Variants in CLSTN2 observed in about 807,000 individuals in gnomAD.
CLSTN2 encodes the protein calsyntenin 2.
In CLSTN2, 48 loss-of-function variants were observed where a neutral mutation model predicts 101.2. That is an observed-to-expected ratio of 0.47 (90% CI 0.38 to 0.60). The LOEUF (loss-of-function observed/expected upper bound fraction) is 0.60, where lower values mean the gene tolerates loss of function less well. CLSTN2 is among the 20% of genes least tolerant of loss of function. The probability of loss-of-function intolerance (pLI) is 0.00; values close to 1 mark genes in which losing one functional copy is unlikely to be tolerated. For missense variants in CLSTN2, 1,160 were observed against 1,238.2 expected (o/e 0.94, Z 0.95); for synonymous variants, 481 against 463.6 (o/e 1.04, Z -0.48).
At chr3:140,409,015 C>A (rs1331557586) in intron 4 of CLSTN2, among the ~76,000 whole-genome samples, 1 of 152,264 alleles carries the variant, frequency 6.6e-6, no homozygotes, top group Non-Finnish European at 1.5e-5. Context: ...CTCGCCCCTG[C>A]AGCTGCATGC....
intron 2 of CLSTN2, among the ~76,000 whole-genome samples, chr3:140,193,061 T>G (rs2010593081): frequency 6.6e-6 from 1 of 151,942 alleles, no homozygotes; most frequent in Non-Finnish European, 1.5e-5. Context: ...TTCCATTGCT[T>G]CTTCCTTCTC....
At chr3:140,305,785 G>T (rs2087108827) in intron 2 of CLSTN2, among the ~76,000 whole-genome samples, 1 of 152,010 alleles carries the variant, frequency 6.6e-6, no homozygotes, top group Non-Finnish European at 1.5e-5. Context: ...GTGAGGCACG[G>T]GATTGTATGT....
intron 2 of CLSTN2, among the ~76,000 whole-genome samples, chr3:140,237,370 C>A (rs138645739): frequency 1.1e-4 from 17 of 152,306 alleles, no homozygotes; most frequent in African/African-American, 4.1e-4. Context: ...AGGGATTATT[C>A]TGCCAGCTCC....
At chr3:140,543,172 C>T (rs552510210) in intron 9 of CLSTN2, among the ~76,000 whole-genome samples, 12 of 152,220 alleles carry the variant, frequency 7.9e-5, no homozygotes, top group South Asian at 2.1e-4. Context: ...TGCTGCTCCA[C>T]GGAGGAGGAG....
intron 1 of CLSTN2, among the ~76,000 whole-genome samples, chr3:140,150,320 G>T (rs1043506931): frequency 3.9e-4 from 59 of 152,214 alleles, no homozygotes; most frequent in African/African-American, 1.4e-3. Flanking sequence ...TTAGGGCTTT[G>T]GTCAGTGCAA....
chr3:140,523,234 C>T (rs1935071299), intron 8 of CLSTN2, among the ~76,000 whole-genome samples: 1 of 152,138 alleles, frequency 6.6e-6, no homozygotes, highest in Non-Finnish European at 1.5e-5. Context: ...AGTGTTTATT[C>T]TGGGACCCGA....
intron 1 of CLSTN2, among the ~76,000 whole-genome samples, chr3:139,994,077 C>A (rs1936160743): frequency 6.6e-6 from 1 of 152,164 alleles, no homozygotes; most frequent in East Asian, 1.9e-4. Context: ...ACCTCTCTCT[C>A]TCCCCAGGGA....
At chr3:140,317,365 C>G (rs1184783769) in intron 2 of CLSTN2, among the ~76,000 whole-genome samples, 2 of 152,046 alleles carry the variant, frequency 1.3e-5, no homozygotes, top group East Asian at 1.9e-4. Flanking sequence ...CTGCAAAGAC[C>G]AAAGAAGTAG....
At chr3:140,537,327 A>T (rs968538248) in intron 9 of CLSTN2, among the ~76,000 whole-genome samples, 8 of 152,212 alleles carry the variant, frequency 5.3e-5, no homozygotes, top group African/African-American at 1.7e-4. Flanking sequence ...CTATTAGCCA[A>T]TTTGAAAGCC....
intron 8 of CLSTN2, among the ~76,000 whole-genome samples, chr3:140,502,676 G>T (rs1934604258): frequency 6.6e-6 from 1 of 152,194 alleles, no homozygotes; most frequent in Non-Finnish European, 1.5e-5. Flanking sequence ...GTGGAGTGTG[G>T]AGCTGGCCTT....
In CLSTN2 at chr3:140,419,079, A is replaced by G. The variant is rs1231982597; in HGVS notation, c.638-2046A>G. On this transcript the variant is annotated intron_variant, in intron 4 of 16. Coordinates refer to ENST00000458420, the MANE Select transcript of CLSTN2 (RefSeq NM_022131.3). ...CATTATTTGACTTTTCTAATTTTCC[A>G]AGCTTTCTTGTTTCATTCCATGTTC... Among the ~76,000 whole-genome samples, 13 of 151,924 alleles carry G rather than the reference A, an allele frequency of 8.6e-5. 1 individual carries two copies. Among genetic ancestry groups the G allele is most frequent in the Admixed American group, 8.5e-4 (13 of 15,242 alleles).
rs141696703 is a variant in CLSTN2 at position 140,017,292 on chromosome 3, C to T, written c.109+81809C>T. On this transcript the variant is annotated intron_variant, in intron 1 of 16. Coordinates refer to ENST00000458420, the MANE Select transcript of CLSTN2 (RefSeq NM_022131.3). Reference sequence around the variant, plus strand: ...TTCAGCTACTGTTCCATGCAGAGGTCGTTGTTTCCTATGCATGCTGTGATA... The same window carrying T: ...TTCAGCTACTGTTCCATGCAGAGGTTGTTGTTTCCTATGCATGCTGTGATA... 4.6e-4 allele frequency among the ~76,000 whole-genome samples: 70 copies of T among 152,236 alleles called. No individual in the cohort carries two copies. In the East Asian group the frequency reaches 0.012, roughly 27 times the overall value.
At chr3:140,549,803 G>A (rs1056476602) in intron 10 of CLSTN2, among the ~76,000 whole-genome samples, 9 of 150,362 alleles carry the variant, frequency 6.0e-5, no homozygotes, top group African/African-American at 1.5e-4. Context: ...CTGGCTGGTC[G>A]AGAGAATTGA....
At chr3:140,319,496 G>A (rs2087261394) in intron 2 of CLSTN2, among the ~76,000 whole-genome samples, 2 of 152,332 alleles carry the variant, frequency 1.3e-5, no homozygotes, top group South Asian at 4.1e-4. Context: ...TTTCAATTGA[G>A]TGACAGTGAG....
At chr3:140,405,233 A>T (rs1443972712) in intron 4 of CLSTN2, among the ~76,000 whole-genome samples, 1 of 149,280 alleles carries the variant, frequency 6.7e-6, no homozygotes, top group Non-Finnish European at 1.5e-5. Flanking sequence ...TTCATTCAGG[A>T]TTTTTTTTTT....
Position 140,112,704 on chromosome 3 carries a change from G to A in CLSTN2, c.110-63247G>A, listed in dbSNP as rs538935689. 4.5e-4 allele frequency among the ~76,000 whole-genome samples: 68 copies of A among 152,248 alleles called. No individual in the cohort carries two copies. The South Asian group carries it at 5.2e-3, about 12-fold the overall frequency. ...TTGCAAGCAGAGGCAGGATGAACCC[G>A]TGCTGAGACTGCACGTCTGACCTAG... On this transcript the variant is annotated intron_variant, in intron 1 of 16. Transcript: ENST00000458420.
rs936050005 is a variant in CLSTN2 at position 140,286,842 on chromosome 3, G to A, written c.232+110769G>A. 2.6e-5 allele frequency among the ~76,000 whole-genome samples: 4 copies of A among 152,134 alleles called. No individual in the cohort carries two copies. The South Asian group carries it at 6.2e-4, about 24-fold the overall frequency. ...AGGTAGTGTAGGCAGTGGACCAGAG[G>A]GATAGGTGGGCTTTGTAGGAGTGGG... On this transcript the variant is annotated intron_variant, in intron 2 of 16. Transcript: ENST00000458420.
intron 1 of CLSTN2, among the ~76,000 whole-genome samples, chr3:140,173,659 G>A (rs1325554638): frequency 6.6e-6 from 1 of 152,220 alleles, no homozygotes; most frequent in Admixed American, 6.5e-5. Context: ...TACATGTTCT[G>A]AAATTCAGGT....
chr3:140,209,162 G>T (rs73226977), intron 2 of CLSTN2, among the ~76,000 whole-genome samples: 5,195 of 152,266 alleles, frequency 0.034, 129 homozygotes, highest in Non-Finnish European at 0.055. Flanking sequence ...CAAAATCTAT[G>T]ATGTATGCAT....
Sources: allele counts gnomAD v4.1 joint callset (sites outside exome capture counted in the v4.1 genomes callset), GRCh38; gene constraint gnomAD v4.1.1; transcripts MANE v1.5; gene names NCBI Gene and HGNC (gene_info 2026-07-23, HGNC 2026-07-21).